NCKAP5: variants seen among roughly 807,000 people sequenced by gnomAD.
NCKAP5 encodes the protein NCK associated protein 5.
Under a neutral mutation model 167.0 loss-of-function variants are expected in NCKAP5, and 92 were observed. That is an observed-to-expected ratio of 0.55 (90% confidence interval 0.47 to 0.66). The LOEUF is 0.66. Among genes scored for constraint, NCKAP5 ranks in the 30% least tolerant of loss-of-function variants. The pLI is 0.00. For synonymous variants in NCKAP5, 891 were observed against 877.4 expected (o/e 1.02, Z -0.27); for missense variants, 2,378 against 2,315.0 (o/e 1.03, Z -0.56).
At chr2:133,338,116 T>C (rs577734560) in intron 3 of NCKAP5, among the ~76,000 whole-genome samples, 16 of 151,568 alleles carry the variant, frequency 1.1e-4, no homozygotes, top group African/African-American at 2.4e-4. Context: ...TATGGGTCTA[T>C]TGCATTTTTT....
At chr2:133,159,841 A>G (rs984003701) in intron 5 of NCKAP5, among the ~76,000 whole-genome samples, 4 of 152,356 alleles carry the variant, frequency 2.6e-5, no homozygotes, top group African/African-American at 9.6e-5. Flanking sequence ...TGGCAAATAT[A>G]GTCCAATAGT....
At chr2:133,090,760 T>G (rs899645841) in intron 6 of NCKAP5, among the ~76,000 whole-genome samples, 2 of 150,340 alleles carry the variant, frequency 1.3e-5, no homozygotes, top group Non-Finnish European at 3.0e-5. Context: ...CTAAGACTTC[T>G]ACATTCTCTG....
chr2:133,367,358 G>C (rs979223249), intron 3 of NCKAP5, among the ~76,000 whole-genome samples: 1 of 152,194 alleles, frequency 6.6e-6, no homozygotes, highest in Non-Finnish European at 1.5e-5. Context: ...CCTCCAGTGA[G>C]AGTGACTTGA....
At chr2:133,453,909 C>T (rs1312746360) in intron 3 of NCKAP5, among the ~76,000 whole-genome samples, 1 of 151,786 alleles carries the variant, frequency 6.6e-6, no homozygotes, top group African/African-American at 2.4e-5. Flanking sequence ...GTTTTGAGCC[C>T]CCCCACCACC....
intron 2 of NCKAP5, among the ~76,000 whole-genome samples, chr2:133,532,180 A>AT (rs1274483470): frequency 1.8e-4 from 27 of 152,318 alleles, no homozygotes; most frequent in Admixed American, 1.7e-3. Context: ...ATTCTAGTTT[A>AT]TTTTTAAATA....
intron 4 of NCKAP5, among the ~76,000 whole-genome samples, chr2:133,240,674 G>A (rs1417585197): frequency 6.6e-6 from 1 of 152,082 alleles, no homozygotes; most frequent in African/African-American, 2.4e-5. Context: ...TTTGCCAGGC[G>A]GGAGAGGATG....
chr2:133,161,876 T>C (rs1320507803), intron 5 of NCKAP5, among the ~76,000 whole-genome samples: 6 of 152,200 alleles, frequency 3.9e-5, no homozygotes, highest in Non-Finnish European at 8.8e-5. Flanking sequence ...TCTTCTCCTA[T>C]ATAGGATCTT....
At chr2:133,108,668 C>T (rs923278052) in intron 6 of NCKAP5, among the ~76,000 whole-genome samples, 19 of 152,192 alleles carry the variant, frequency 1.2e-4, no homozygotes, top group Non-Finnish European at 2.8e-4. Flanking sequence ...AGTGAAACTT[C>T]GTACCCTTTG....
At chr2:133,492,508 A>G (rs1681560370) in intron 3 of NCKAP5, among the ~76,000 whole-genome samples, 1 of 152,148 alleles carries the variant, frequency 6.6e-6, no homozygotes, top group Non-Finnish European at 1.5e-5. Flanking sequence ...GGAGCACAAC[A>G]CACTCCAAAA....
intron 4 of NCKAP5, among the ~76,000 whole-genome samples, chr2:133,270,162 T>C (rs745661733): frequency 3.3e-5 from 5 of 152,228 alleles, no homozygotes; most frequent in Admixed American, 1.3e-4. Flanking sequence ...GTGGTGATTA[T>C]TATTGTTATT....
rs2085207112 is a variant in NCKAP5, at chr2:133,191,292, T to C, written c.207+22424A>G. ...GAAACAACAGGTGCTGGAGAGGATG[T>C]GGAGAAATAGGAACACTTTTACACT... On this transcript the variant is annotated intron_variant, in intron 5 of 19. Transcript: ENST00000409261. Among the ~76,000 whole-genome samples, 6 of 152,134 alleles carry C rather than the reference T, an allele frequency of 3.9e-5. No homozygotes were observed. The South Asian group carries it at 1.2e-3, about 32-fold the overall frequency.
intron 2 of NCKAP5, among the ~76,000 whole-genome samples, chr2:133,552,713 T>C (rs1687439043): frequency 7.1e-6 from 1 of 140,136 alleles, no homozygotes; most frequent in Non-Finnish European, 1.5e-5. Context: ...ACCTGCACAA[T>C]GTGCACATGT....
chr2:133,244,625 A>G (rs904254146), intron 4 of NCKAP5, among the ~76,000 whole-genome samples: 1 of 152,130 alleles, frequency 6.6e-6, no homozygotes, highest in Non-Finnish European at 1.5e-5. Flanking sequence ...ATTTAAAAAA[A>G]CAGGCCCATG....
At chr2:133,514,339 G>A (rs1683797459) in intron 3 of NCKAP5, among the ~76,000 whole-genome samples, 1 of 152,084 alleles carries the variant, frequency 6.6e-6, no homozygotes, top group Non-Finnish European at 1.5e-5. Flanking sequence ...CACACACATG[G>A]ACATGTATAT....
At position 133,043,310 on chromosome 2, in the gene NCKAP5, A is replaced by G. The variant is rs182218688; in HGVS notation, c.342-49071T>C. 2.0e-3 allele frequency among the ~76,000 whole-genome samples: 306 copies of G among 152,322 alleles called. 4 individuals carry two copies. The highest frequency in any genetic ancestry group is 7.0e-3 in the African/African-American group (291 of 41,578). On this transcript the variant is annotated intron_variant, in intron 6 of 19. Coordinates refer to ENST00000409261, the MANE Select transcript of NCKAP5 (RefSeq NM_207363.3). Reference sequence around the variant, plus strand: ...TAATCACACTCTCCCTTCTTTATAAATTAATAAATTATGCATAGGGTCAAA... The same window carrying G: ...TAATCACACTCTCCCTTCTTTATAAGTTAATAAATTATGCATAGGGTCAAA...
chr2:133,307,512 G>GA (rs1300544068), intron 3 of NCKAP5, among the ~76,000 whole-genome samples: 1 of 151,428 alleles, frequency 6.6e-6, no homozygotes, highest in Non-Finnish European at 1.5e-5. Flanking sequence ...AAATAGTGAA[G>GA]AAAAAAAAGG....
chr2:133,337,179 T>C (rs1289461604), intron 3 of NCKAP5, among the ~76,000 whole-genome samples: 6 of 152,194 alleles, frequency 3.9e-5, no homozygotes, highest in Non-Finnish European at 8.8e-5. Context: ...ATTTTTCACA[T>C]AGTACATGGA....
intron 6 of NCKAP5, among the ~76,000 whole-genome samples, chr2:133,046,781 T>C (rs1445274581): frequency 6.6e-6 from 1 of 152,076 alleles, no homozygotes; most frequent in African/African-American, 2.4e-5. Context: ...ATTACGTAGA[T>C]GATTTTAGAA....
In NCKAP5 at chr2:133,417,176, C is replaced by T. The variant is rs138765929; in HGVS notation, c.69+100282G>A. On this transcript the variant is annotated intron_variant, in intron 3 of 19. Transcript: ENST00000409261. ...GTTTGTTTCTTTCTTTTAAGGACCA[C>T]AGGCAACTCTTCCATTTGACTCATT... Among the ~76,000 whole-genome samples the T allele has an allele frequency of 1.8e-3, 268 of 151,222 alleles. 1 individual carries two copies. The highest frequency in any genetic ancestry group is 6.3e-3 in the African/African-American group (258 of 41,188).
Sources: gnomAD v4.1 joint callset for allele counts (sites outside exome capture counted in the v4.1 genomes callset) on GRCh38, gnomAD v4.1.1 for gene constraint, MANE v1.5 for transcripts, NCBI Gene and HGNC (gene_info 2026-07-23, HGNC 2026-07-21) for gene names.